The following LHFPL3 variants were observed in gnomAD, a reference collection of about 807,000 sequenced individuals.
LHFPL3 encodes LHFPL tetraspan subfamily member 3 protein.
In LHFPL3, 5 loss-of-function variants were observed where a neutral mutation model predicts 19.3. The observed-to-expected ratio is 0.26, with a 90% CI of 0.14 to 0.54. The LOEUF (loss-of-function observed/expected upper bound fraction) is 0.54. Among genes scored for constraint, LHFPL3 ranks in the 20% least tolerant of loss-of-function variants. The probability of loss-of-function intolerance (pLI) is 0.94; values close to 1 mark genes in which losing one functional copy is unlikely to be tolerated. For missense variants in LHFPL3, 249 were observed against 307.4 expected (o/e 0.81, Z 1.42); for synonymous variants, 133 against 126.2 (o/e 1.05, Z -0.36).
At chr7:104,686,876 CAT>C (rs1288710612) in intron 1 of LHFPL3, among the ~76,000 whole-genome samples, 4 of 152,192 alleles carry the variant, frequency 2.6e-5, no homozygotes, top group Non-Finnish European at 5.9e-5. Context: ...TCCTTTTTCA[CAT>C]GTCACCAGGA....
At chr7:104,331,779 A>G (rs1200188612) in intron 1 of LHFPL3, among the ~76,000 whole-genome samples, 1 of 151,966 alleles carries the variant, frequency 6.6e-6, no homozygotes, top group Admixed American at 6.6e-5. Context: ...GTGAAACTCC[A>G]TCTCTACTAA....
chr7:104,825,085 G>C (rs1584557474), intron 2 of LHFPL3, among the ~76,000 whole-genome samples: 1 of 150,666 alleles, frequency 6.6e-6, no homozygotes, highest in Non-Finnish European at 1.5e-5. Flanking sequence ...GGGAGTGGGG[G>C]AGAGAGTTAA....
chr7:104,534,009 C>A (rs899030276), intron 1 of LHFPL3, among the ~76,000 whole-genome samples: 4 of 152,174 alleles, frequency 2.6e-5, no homozygotes, highest in African/African-American at 9.7e-5. Flanking sequence ...CCGAGTTAAC[C>A]ACTAAGCCAT....
intron 1 of LHFPL3, among the ~76,000 whole-genome samples, chr7:104,365,801 A>AAAAAG (rs1177647936): frequency 7.0e-6 from 1 of 142,250 alleles, no homozygotes; most frequent in Non-Finnish European, 1.5e-5. Flanking sequence ...AAAAAAAAAA[A>AAAAAG]AAAAGAAAAG....
intron 2 of LHFPL3, among the ~76,000 whole-genome samples, chr7:104,821,363 G>A (rs149254945): frequency 0.012 from 1,834 of 152,344 alleles, 21 homozygotes; most frequent in Non-Finnish European, 0.02. Context: ...GAGAGGCAAG[G>A]AAGTGAAGAG....
chr7:104,330,900 G>GA (rs750464182), intron 1 of LHFPL3, among the ~76,000 whole-genome samples: 30 of 152,314 alleles, frequency 2.0e-4, no homozygotes, highest in Non-Finnish European at 5.9e-5. Context: ...AGATGCTGTA[G>GA]AAAAAGAATT....
Position 104,906,932 on chromosome 7 carries a change from G to A in LHFPL3, c.*717G>A, listed in dbSNP as rs1792632476. The A allele has an allele frequency of 6.6e-6, 1 of 152,544 alleles. No individual in the cohort carries two copies. The highest frequency in any genetic ancestry group is 2.1e-4 in the South Asian group (1 of 4,830). 9.4% of individuals were successfully genotyped at this position (152,544 alleles called of 1,614,324 possible). ...TTACTCCATCAAGCTGTATATTACAGGAAGTACATCTTTACATCATAGGTT... is the reference window on the plus strand; with the variant it reads ...TTACTCCATCAAGCTGTATATTACAAGAAGTACATCTTTACATCATAGGTT... On this transcript the variant is annotated 3_prime_UTR_variant, in exon 3 of 3. Transcript: ENST00000424859.
chr7:104,451,935 G>A (rs752388252), intron 1 of LHFPL3, among the ~76,000 whole-genome samples: 8 of 151,866 alleles, frequency 5.3e-5, no homozygotes, highest in Admixed American at 3.3e-4. Flanking sequence ...TAGTAGAGAC[G>A]GGGTTTCGCC....
intron 1 of LHFPL3, among the ~76,000 whole-genome samples, chr7:104,414,866 C>A (rs1791592791): frequency 6.6e-6 from 1 of 152,174 alleles, no homozygotes; most frequent in Non-Finnish European, 1.5e-5. Context: ...ATTTTAGTCA[C>A]CATTCCAAAT....
intron 1 of LHFPL3, among the ~76,000 whole-genome samples, chr7:104,630,380 G>GA (rs1462889289): frequency 6.6e-6 from 1 of 152,104 alleles, no homozygotes; most frequent in Admixed American, 6.6e-5. Context: ...AATTGCATAG[G>GA]AAAAAATGAA....
At chr7:104,364,950 G>C (rs1790455325) in intron 1 of LHFPL3, among the ~76,000 whole-genome samples, 1 of 152,176 alleles carries the variant, frequency 6.6e-6, no homozygotes, top group Non-Finnish European at 1.5e-5. Context: ...AGTCAGTTGA[G>C]AGAGATACTG....
intron 1 of LHFPL3, among the ~76,000 whole-genome samples, chr7:104,581,556 T>C (rs1309534766): frequency 3.3e-5 from 5 of 152,084 alleles, no homozygotes; most frequent in African/African-American, 1.2e-4. Flanking sequence ...ATGCACTGTG[T>C]CTGTTTAAGA....
intron 1 of LHFPL3, among the ~76,000 whole-genome samples, chr7:104,485,150 G>GA (rs1448899344): frequency 2.0e-5 from 3 of 152,046 alleles, no homozygotes; most frequent in Non-Finnish European, 4.4e-5. Context: ...AATATACAGT[G>GA]AAAATCCTGT....
chr7:104,565,887 A>G (rs1003508947), intron 1 of LHFPL3, among the ~76,000 whole-genome samples: 7 of 152,104 alleles, frequency 4.6e-5, no homozygotes, highest in African/African-American at 1.7e-4. Flanking sequence ...TGGAGTAACC[A>G]TTGTTAAGTG....
In LHFPL3 at chr7:104,827,465, C is replaced by T. The variant is rs894268260; in HGVS notation, c.683-78722C>T. Among the ~76,000 whole-genome samples, 4 of 151,918 alleles carry T rather than the reference C, an allele frequency of 2.6e-5. No individual in the cohort carries two copies. The South Asian group carries it at 8.3e-4, about 31-fold the overall frequency. On this transcript the variant is annotated intron_variant, in intron 2 of 2. Coordinates refer to ENST00000424859, the MANE Select transcript of LHFPL3 (RefSeq NM_199000.3). ...TGGGGTTCATGTGAAACTAGTGTCACCTTATTTTGATTTCCTAGTTCAGGT... is the reference window on the plus strand; with the variant it reads ...TGGGGTTCATGTGAAACTAGTGTCATCTTATTTTGATTTCCTAGTTCAGGT...
chr7:104,360,869 C>T (rs1449011121), intron 1 of LHFPL3, among the ~76,000 whole-genome samples: 1 of 152,068 alleles, frequency 6.6e-6, no homozygotes, highest in East Asian at 1.9e-4. Context: ...GGTCTCTAAG[C>T]CAGGGATGGG....
intron 2 of LHFPL3, chr7:104,894,838 G>A (rs911902113): frequency 2.0e-5 from 3 of 152,184 alleles, no homozygotes; most frequent in African/African-American, 7.2e-5. Context: ...GCAAAAGCAT[G>A]GCAAGTAAAA....
At chr7:104,557,650 GTTTTTTA>G (rs770049331) in intron 1 of LHFPL3, among the ~76,000 whole-genome samples, 1 of 151,846 alleles carries the variant, frequency 6.6e-6, no homozygotes, top group Non-Finnish European at 1.5e-5. Context: ...ACTTTAATCT[GTTTTTTA>G]TTTTTTATTT....
rs544986746 is a variant in LHFPL3 at position 104,787,112 on chromosome 7, C to G, written c.682+50201C>G. On this transcript the variant is annotated intron_variant, in intron 2 of 2. Coordinates refer to ENST00000424859, the MANE Select transcript of LHFPL3 (RefSeq NM_199000.3). ...CCTTCCATTTCTAAAAGGGACTGTT[C>G]TCATAGTTGCATTGAGAACCTCTCA... Among the ~76,000 whole-genome samples, 210 of 152,292 alleles carry G rather than the reference C, an allele frequency of 1.4e-3. 1 individual carries two copies. The highest frequency in any genetic ancestry group is 2.5e-3 in the Non-Finnish European group (170 of 68,028).
Sources: allele counts gnomAD v4.1 joint callset (sites outside exome capture counted in the v4.1 genomes callset), GRCh38; gene constraint gnomAD v4.1.1; transcripts MANE v1.5; gene names NCBI Gene and HGNC (gene_info 2026-07-23, HGNC 2026-07-21).